ALDH7A1: variants seen among roughly 807,000 people sequenced by gnomAD.
ALDH7A1 encodes alpha-aminoadipic semialdehyde dehydrogenase.
ALDH7A1 carries 63 observed loss-of-function variants against 79.9 expected under a neutral mutation model. The observed-to-expected ratio is 0.79, with a 90% CI of 0.64 to 0.97. The LOEUF is 0.97. Among genes scored for constraint, ALDH7A1 ranks in the 50% least tolerant of loss-of-function variants. The probability of loss-of-function intolerance (pLI) is 0.00; values close to 1 mark genes in which losing one functional copy is unlikely to be tolerated. For synonymous variants in ALDH7A1, 240 were observed against 231.2 expected, an observed-to-expected ratio of 1.04 and a Z score of -0.34; for missense variants, 627 against 665.2, an observed-to-expected ratio of 0.94 and a Z score of 0.63.
chr5:126,550,385 TAA>T, intron 14 of ALDH7A1, 92 bp from the exon 15 acceptor site: 1 of 948,638 alleles, frequency 1.1e-6, no homozygotes, highest in Non-Finnish European at 1.7e-6. Context: ...TGTACCAGTA[TAA>T]TTTCAGTGTA....
Position 126,542,960 on chromosome 5 carries a change from G to A in ALDH7A1, c.*2005C>T, listed in dbSNP as rs1749659299. 1 of 152,206 alleles carries A rather than the reference G, an allele frequency of 6.6e-6. No individual in the cohort carries two copies. The allele number at this position is 152,206 out of a possible 1,614,324, so 9.4% of individuals were successfully genotyped here. ...AAGCAAGTTAGGCTTTAGTGCCGTG[G>A]CAGAAGCAAGCATGCTGAACACAAT... On this transcript the variant is annotated 3_prime_UTR_variant, in exon 18 of 18. Transcript: ENST00000409134.
chr5:126,593,241 G>T, intron 2 of ALDH7A1, 110 bp downstream of exon 2: 2 of 1,495,196 alleles, frequency 1.3e-6, no homozygotes, highest in South Asian at 2.4e-5. Context: ...TATTATTCTT[G>T]ACCTGCCTAA....
chr5:126,593,169 C>T (rs1271991590), intron 2 of ALDH7A1, among the ~76,000 whole-genome samples, 182 bp downstream of exon 2: 3 of 152,232 alleles, frequency 2.0e-5, no homozygotes, highest in Middle Eastern at 3.4e-3. Flanking sequence ...GACAGTCTCC[C>T]CCAGACAGTC....
chr5:126,573,014 AT>A (rs1383952574), intron 7 of ALDH7A1, among the ~76,000 whole-genome samples: 2 of 151,148 alleles, frequency 1.3e-5, no homozygotes, highest in Non-Finnish European at 2.9e-5. Flanking sequence ...CATTTTACTT[AT>A]CTTCTATTAC....
chr5:126,581,975 C>T (rs1284762001), intron 5 of ALDH7A1: 1 of 371,120 alleles, frequency 2.7e-6, no homozygotes, highest in Non-Finnish European at 4.7e-6. Context: ...GAGACTCCAT[C>T]TCAAAAAAAA....
At chr5:126,554,813 C>T in intron 12 of ALDH7A1, 2 of 310,276 alleles carry the variant, frequency 6.4e-6, no homozygotes, top group Non-Finnish European at 1.2e-5. Flanking sequence ...ACATCACAGT[C>T]TCAGTAGTTG....
At chr5:126,581,645 T>C (rs1447739563) in intron 5 of ALDH7A1, 1 of 151,814 alleles carries the variant, frequency 6.6e-6, no homozygotes. Flanking sequence ...AAAAAAACAA[T>C]TTCCAAGATA....
Position 126,583,837 on chromosome 5 carries a change from CA to C in ALDH7A1, c.393+94del, listed in dbSNP as rs199930619. On this transcript the variant is annotated intron_variant, in intron 4 of 17. Coordinates refer to ENST00000409134, the MANE Select transcript of ALDH7A1 (RefSeq NM_001182.5). ...CCTGGGTGACAGCAAGACTCCATCT[CA>C]AAAAAAAAAAACCTCACAATTTTAT... 25,969 of 858,708 alleles carry C rather than the reference CA, an allele frequency of 0.03. 11 individuals carry two copies. The highest frequency in any genetic ancestry group is 0.033 in the Non-Finnish European group (18,758 of 572,028). The allele number at this position is 858,708 out of a possible 1,614,324, so 53.2% of individuals were successfully genotyped here.
intron 3 of ALDH7A1, among the ~76,000 whole-genome samples, chr5:126,590,019 G>C (rs1456768263): frequency 1.5e-5 from 2 of 135,538 alleles, no homozygotes; most frequent in Non-Finnish European, 3.1e-5. Context: ...GGGAAGTGAG[G>C]AGTGCCTCTG....
At chr5:126,566,784 C>T (rs527859509) in intron 9 of ALDH7A1, among the ~76,000 whole-genome samples, 6 of 152,278 alleles carry the variant, frequency 3.9e-5, no homozygotes, top group African/African-American at 1.4e-4. Flanking sequence ...ATTCCACACT[C>T]ACTGTAAGTT....
intron 1 of ALDH7A1, 73 bp from the exon 2 acceptor site, chr5:126,593,477 G>T (rs1751630384): frequency 1.9e-6 from 3 of 1,597,748 alleles, no homozygotes; most frequent in African/African-American, 2.7e-5. Context: ...GACCAAACGG[G>T]GAAGAAAAAC....
In ALDH7A1 at chr5:126,570,764, C is replaced by T; in HGVS notation, c.773+18G>A. The T allele has an allele frequency of 6.2e-7, 1 of 1,613,576 alleles. No individual in the cohort carries two copies. Among genetic ancestry groups the T allele is most frequent in the Non-Finnish European group, 8.5e-7 (1 of 1,179,580 alleles). On this transcript the variant is annotated intron_variant, in intron 8 of 17. Transcript: ENST00000409134. ...CTGGGGTCCTTCAACAGAGGATGCT[C>T]TCAGCCTAGTAACCTACCCAATATC...
chr5:126,578,638 C>CAAAAAAA (rs70994880), intron 5 of ALDH7A1, among the ~76,000 whole-genome samples: 3 of 90,388 alleles, frequency 3.3e-5, no homozygotes, highest in African/African-American at 6.8e-5. Flanking sequence ...GACCCTGTAT[C>CAAAAAAA]AAAAAAAAAA....
At position 126,552,722 on chromosome 5, in the gene ALDH7A1, GTTTT is replaced by G. The variant is rs373803366; in HGVS notation, c.1201-589_1201-586del. 3.6e-3 allele frequency among the ~76,000 whole-genome samples: 549 copies of G among 151,828 alleles called. 6 individuals carry two copies. Among genetic ancestry groups the G allele is most frequent in the African/African-American group, 0.012 (512 of 41,426 alleles). On this transcript the variant is annotated intron_variant, in intron 13 of 17. Coordinates refer to ENST00000409134, the MANE Select transcript of ALDH7A1 (RefSeq NM_001182.5). ...ACAAACAAATCTTTATATGTGGGGG[GTTTT>G]TTGTTTTTGATTTTTTTTTTTTATT... is the stretch of plus-strand genomic sequence containing the variant.
At chr5:126,583,827 G>T in intron 4 of ALDH7A1, 105 bp downstream of exon 4, 1 of 917,738 alleles carries the variant, frequency 1.1e-6, no homozygotes, top group Non-Finnish European at 1.7e-6. Flanking sequence ...GTGACAGCAA[G>T]ACTCCATCTC....
intron 5 of ALDH7A1, chr5:126,580,057 A>C: frequency 6.0e-6 from 1 of 167,612 alleles, no homozygotes; most frequent in Non-Finnish European, 1.5e-5. Context: ...CTGCTTGCAC[A>C]TGTACATATC....
rs138056453 is a variant in ALDH7A1, at chr5:126,556,021, C to T, written c.1009-6G>A. The T allele has an allele frequency of 9.5e-4, 1,528 of 1,603,604 alleles. 13 individuals carry two copies. In the African/African-American group the frequency reaches 0.016, roughly 17 times the overall value. ...TGGATGCTTTCATGTATAAACTAAA[C>T]GAAAAAAGATATTCAAGGGCATAGT... On this transcript the variant is annotated splice_polypyrimidine_tract_variant and splice_region_variant and intron_variant, in intron 11 of 17. Coordinates refer to ENST00000409134, the MANE Select transcript of ALDH7A1 (RefSeq NM_001182.5).
intron 7 of ALDH7A1, among the ~76,000 whole-genome samples, chr5:126,574,196 C>T (rs1227854268): frequency 2.0e-5 from 3 of 151,808 alleles, no homozygotes; most frequent in Admixed American, 6.6e-5. Flanking sequence ...GTCAAGACAT[C>T]GAGACCATCC....
intron 10 of ALDH7A1, among the ~76,000 whole-genome samples, chr5:126,560,808 T>A (rs878872188): frequency 6.6e-6 from 1 of 152,124 alleles, no homozygotes; most frequent in Non-Finnish European, 1.5e-5. Flanking sequence ...AAACAAGAAA[T>A]AATGCCATAC....
Sources: gnomAD v4.1 joint callset for allele counts (sites outside exome capture counted in the v4.1 genomes callset) on GRCh38, gnomAD v4.1.1 for gene constraint, MANE v1.5 for transcripts, NCBI Gene and HGNC (gene_info 2026-07-23, HGNC 2026-07-21) for gene names.